CPNE4: variants seen among roughly 807,000 people sequenced by gnomAD.
The protein encoded by CPNE4 is copine 4.
CPNE4 carries 25 observed loss-of-function variants against 67.9 expected under a neutral mutation model. That is an observed-to-expected ratio of 0.37 (90% CI 0.27 to 0.51). The LOEUF (loss-of-function observed/expected upper bound fraction) is 0.51, where lower values mean the gene tolerates loss of function less well. Ranked by LOEUF, CPNE4 falls within the 20% of genes least tolerant of loss-of-function variation. The pLI is 0.93. For synonymous variants in CPNE4, 242 were observed against 244.9 expected (o/e 0.99, Z 0.11); for missense variants, 464 against 690.8 (o/e 0.67, Z 3.68).
chr3:131,622,702 G>T (rs1940539458), intron 7 of CPNE4, among the ~76,000 whole-genome samples: 1 of 152,154 alleles, frequency 6.6e-6, no homozygotes, highest in Non-Finnish European at 1.5e-5. Flanking sequence ...GTGGGGAACA[G>T]TCCTATAATA....
chr3:131,920,227 C>T (rs1344349206), intron 1 of CPNE4, among the ~76,000 whole-genome samples: 1 of 152,150 alleles, frequency 6.6e-6, no homozygotes, highest in Non-Finnish European at 1.5e-5. Context: ...TTTTCCTTCT[C>T]GTACTTTCAA....
chr3:131,937,472 G>T (rs1301545418), intron 1 of CPNE4, among the ~76,000 whole-genome samples: 2 of 152,110 alleles, frequency 1.3e-5, no homozygotes, highest in Non-Finnish European at 2.9e-5. Context: ...GAACATATAG[G>T]AATTACAGAT....
At chr3:131,970,381 A>G (rs953676584) in intron 1 of CPNE4, among the ~76,000 whole-genome samples, 6 of 152,180 alleles carry the variant, frequency 3.9e-5, no homozygotes, top group Admixed American at 2.6e-4. Context: ...GTGTATGCTG[A>G]CCAATACAGT....
chr3:131,743,452 A>G (rs755156893), intron 2 of CPNE4, among the ~76,000 whole-genome samples: 4 of 152,198 alleles, frequency 2.6e-5, no homozygotes, highest in Non-Finnish European at 5.9e-5. Context: ...ACCAAAACCC[A>G]AAAAAGTAGA....
intron 10 of CPNE4, among the ~76,000 whole-genome samples, chr3:131,566,546 GC>G (rs1937067878): frequency 6.6e-6 from 1 of 152,004 alleles, no homozygotes; most frequent in East Asian, 1.9e-4. Flanking sequence ...GAGGTGAAGA[GC>G]ACCTCAGGAT....
At chr3:131,611,820 T>C (rs780813834) in intron 7 of CPNE4, among the ~76,000 whole-genome samples, 4 of 152,088 alleles carry the variant, frequency 2.6e-5, no homozygotes, top group Non-Finnish European at 5.9e-5. Context: ...CTTCCTCCTC[T>C]CTCAGCTTGC....
chr3:131,564,695 A>G (rs115105670), intron 10 of CPNE4, among the ~76,000 whole-genome samples: 1,942 of 152,096 alleles, frequency 0.013, 51 homozygotes, highest in African/African-American at 0.044. Context: ...ACAGTTCACT[A>G]AGAAAAGACT....
At chr3:131,925,205 T>TA (rs2070861674) in intron 1 of CPNE4, among the ~76,000 whole-genome samples, 1 of 151,854 alleles carries the variant, frequency 6.6e-6, no homozygotes, top group Non-Finnish European at 1.5e-5. Flanking sequence ...CCTTTTGCTT[T>TA]GGATGCCCTT....
rs1350861319 is a variant in CPNE4 at position 131,826,191 on chromosome 3, C to CT, written c.180+79072dup. ...CATCAGGACTTCTGGATGTCTTTTT[C>CT]TTTTTTCTTTTTTTGTTTTTTGAAA... On this transcript the variant is annotated intron_variant, in intron 2 of 15. Transcript: ENST00000429747. 2.8e-5 allele frequency among the ~76,000 whole-genome samples: 4 copies of CT among 140,496 alleles called. No individual in the cohort carries two copies. In the East Asian group the frequency reaches 8.9e-4, roughly 31 times the overall value. 92.2% of individuals were successfully genotyped at this position (140,496 alleles called of 152,430 possible).
chr3:131,544,094 C>A (rs544198954), intron 14 of CPNE4, among the ~76,000 whole-genome samples: 11 of 152,300 alleles, frequency 7.2e-5, no homozygotes, highest in African/African-American at 2.6e-4. Flanking sequence ...ATGGCCTTTA[C>A]TGGTAAGAGG....
chr3:131,570,758 T>A (rs1937297596), intron 10 of CPNE4, among the ~76,000 whole-genome samples: 1 of 152,042 alleles, frequency 6.6e-6, no homozygotes. Flanking sequence ...ATGTGTGCAC[T>A]TCCCAGTAAG....
At chr3:131,609,583 T>C (rs536109079) in intron 7 of CPNE4, among the ~76,000 whole-genome samples, 4 of 152,298 alleles carry the variant, frequency 2.6e-5, no homozygotes, top group African/African-American at 9.6e-5. Context: ...TTAGATTTTT[T>C]TGACTAAGAA....
At chr3:131,794,620 C>G (rs2083869865) in intron 2 of CPNE4, among the ~76,000 whole-genome samples, 1 of 152,202 alleles carries the variant, frequency 6.6e-6, no homozygotes, top group African/African-American at 2.4e-5. Flanking sequence ...CTTAGATATC[C>G]AAGCCCAATT....
intron 2 of CPNE4, among the ~76,000 whole-genome samples, chr3:131,801,321 T>C (rs1335408429): frequency 7.1e-6 from 1 of 141,122 alleles, no homozygotes; most frequent in Non-Finnish European, 1.5e-5. Flanking sequence ...TTCTGTCTAG[T>C]CACTGGAAAC....
intron 2 of CPNE4, among the ~76,000 whole-genome samples, chr3:131,736,240 T>C (rs748852965): frequency 5.9e-5 from 9 of 152,166 alleles, no homozygotes; most frequent in Non-Finnish European, 8.8e-5. Context: ...CCTATTTTCA[T>C]ATATATCACT....
At chr3:131,911,543 TTGTGTG>T (rs3041573) in intron 1 of CPNE4, among the ~76,000 whole-genome samples, 3,848 of 146,016 alleles carry the variant, frequency 0.026, 93 homozygotes, top group East Asian at 0.12. Context: ...GCACTCCAAG[TTGTGTG>T]TGTGTGTGTG....
chr3:131,874,085 GTTTCT>G (rs762031801), intron 2 of CPNE4, among the ~76,000 whole-genome samples: 2 of 145,586 alleles, frequency 1.4e-5, no homozygotes, highest in Non-Finnish European at 3.0e-5. Context: ...TCATTCAGTT[GTTTCT>G]TTTCTTTTTT....
chr3:132,017,993 T>G (rs557342322), intron 1 of CPNE4, among the ~76,000 whole-genome samples: 1 of 152,176 alleles, frequency 6.6e-6, no homozygotes, highest in South Asian at 2.1e-4. Context: ...ACCCAGATGC[T>G]CAACTCAGAG....
chr3:131,948,219 T>G (rs2071617243), intron 1 of CPNE4, among the ~76,000 whole-genome samples: 1 of 152,138 alleles, frequency 6.6e-6, no homozygotes, highest in South Asian at 2.1e-4. Context: ...CATGTCAAGG[T>G]CAGGACCACG....
Sources: allele counts gnomAD v4.1 joint callset (sites outside exome capture counted in the v4.1 genomes callset), GRCh38; gene constraint gnomAD v4.1.1; transcripts MANE v1.5; gene names NCBI Gene and HGNC (gene_info 2026-07-23, HGNC 2026-07-21).